CACNA1D: variants seen among roughly 807,000 people sequenced by gnomAD.
CACNA1D encodes calcium voltage-gated channel subunit alpha1 D, also known as voltage-dependent L-type calcium channel subunit alpha-1D.
CACNA1D carries 55 observed loss-of-function variants against 257.1 expected under a neutral mutation model. The ratio of observed to expected loss-of-function variants is 0.21; its 90% CI spans 0.17 to 0.27. The LOEUF is 0.27. Ranked by LOEUF, CACNA1D falls within the 10% of genes least tolerant of loss-of-function variation. The pLI is 1.00. For missense variants in CACNA1D, 1,876 were observed against 2,784.0 expected (o/e 0.67, Z 7.34); for synonymous variants, 980 against 1,014.9 (o/e 0.97, Z 0.65).
At chr3:53,554,596 T>C (rs1385602687) in intron 3 of CACNA1D, among the ~76,000 whole-genome samples, 1 of 152,232 alleles carries the variant, frequency 6.6e-6, no homozygotes, top group Non-Finnish European at 1.5e-5. Flanking sequence ...CTTTTTCAAA[T>C]ACATTCCGCT....
chr3:53,773,673 CT>C (rs34213200), intron 33 of CACNA1D: 82,303 of 148,600 alleles, frequency 0.55, 23,221 homozygotes, highest in Non-Finnish European at 0.61. Flanking sequence ...TTTCTTTTTT[CT>C]TTTTTTTTTT....
chr3:53,560,523 T>A (rs2092719244), intron 3 of CACNA1D, among the ~76,000 whole-genome samples: 2 of 152,182 alleles, frequency 1.3e-5, no homozygotes, highest in Admixed American at 6.5e-5. Flanking sequence ...TAAGCTTAAA[T>A]TTTCCTTACT....
intron 3 of CACNA1D, among the ~76,000 whole-genome samples, chr3:53,566,456 C>G (rs909646800): frequency 3.3e-5 from 5 of 152,186 alleles, no homozygotes; most frequent in South Asian, 4.1e-4. Context: ...TGACCACCCT[C>G]TCCCATAATA....
chr3:53,680,114 T>G (rs1254238062), intron 8 of CACNA1D, among the ~76,000 whole-genome samples: 1 of 152,160 alleles, frequency 6.6e-6, no homozygotes, highest in Non-Finnish European at 1.5e-5. Context: ...ACACCTGACA[T>G]TAACAAGTGA....
intron 30 of CACNA1D, among the ~76,000 whole-genome samples, chr3:53,765,272 C>G (rs2095326017): frequency 6.6e-6 from 1 of 152,204 alleles, no homozygotes; most frequent in African/African-American, 2.4e-5. Context: ...GGCCTTGTCC[C>G]CTGAGCTGAG....
intron 4 of CACNA1D, among the ~76,000 whole-genome samples, chr3:53,652,564 A>G (rs1407815553): frequency 6.6e-6 from 1 of 152,222 alleles, no homozygotes; most frequent in East Asian, 1.9e-4. Context: ...AATGAATAAT[A>G]ACCAGGGCTC....
At chr3:53,797,977 T>G (rs1195659242) in intron 40 of CACNA1D, 1 of 152,232 alleles carries the variant, frequency 6.6e-6, no homozygotes. Flanking sequence ...CTTGTCTTTT[T>G]GTTTGGGAGC....
intron 47 of CACNA1D, chr3:53,810,580 A>C (rs2095592310): frequency 2.2e-6 from 1 of 462,814 alleles, no homozygotes; most frequent in South Asian, 2.0e-5. Context: ...CAACATGGTG[A>C]AACCCCGTCT....
chr3:53,501,055 G>A (rs2090579297), intron 2 of CACNA1D, among the ~76,000 whole-genome samples: 1 of 152,226 alleles, frequency 6.6e-6, no homozygotes, highest in African/African-American at 2.4e-5. Context: ...TCACATCTGA[G>A]GTATTGGAAT....
At chr3:53,638,610 G>T (rs2093913386) in intron 3 of CACNA1D, among the ~76,000 whole-genome samples, 1 of 152,198 alleles carries the variant, frequency 6.6e-6, no homozygotes, top group Non-Finnish European at 1.5e-5. Context: ...CAACAAACCT[G>T]GGTAGCTTCT....
rs777592981 is a variant in CACNA1D, at chr3:53,786,791, C to T, written c.4793-31C>T. 118 of 1,365,524 alleles carry T rather than the reference C, an allele frequency of 8.6e-5. No individual in the cohort carries two copies. In the South Asian group the frequency reaches 1.2e-3, roughly 14 times the overall value. 84.6% of individuals were successfully genotyped at this position (1,365,524 alleles called of 1,614,324 possible). On this transcript the variant is annotated intron_variant, in intron 39 of 47. Transcript: ENST00000350061. ...AGGCTCTTGGTCTAATGTGCTGATT[C>T]GGGAGAGCTCTGTCTGGTCTCTCCG...
chr3:53,674,004 A>T, intron 8 of CACNA1D: 1 of 668,778 alleles, frequency 1.5e-6, no homozygotes, highest in South Asian at 1.7e-5. Context: ...CGTGTTTCCA[A>T]TGCTTGCCAA....
intron 3 of CACNA1D, among the ~76,000 whole-genome samples, chr3:53,544,288 C>A (rs1195489713): frequency 6.6e-6 from 1 of 152,054 alleles, no homozygotes. Flanking sequence ...GCAAATTTTG[C>A]AGCACATATA....
chr3:53,747,860 C>G lies in CACNA1D; in HGVS notation c.3314+412C>G, dbSNP rs190393193. Among the ~76,000 whole-genome samples, 8 of 152,314 alleles carry G rather than the reference C, an allele frequency of 5.3e-5. No individual in the cohort carries two copies. The East Asian group carries it at 1.5e-3, about 29-fold the overall frequency. ...GCGGACAGTTGCTGTTATGCCATCT[C>G]TTTTACTGAGCACCTGCTCGCTCAT... On this transcript the variant is annotated intron_variant, in intron 26 of 47. Coordinates refer to ENST00000350061, the MANE Select transcript of CACNA1D (RefSeq NM_001128840.3).
chr3:53,678,608 C>T (rs1233160431), intron 8 of CACNA1D, among the ~76,000 whole-genome samples: 1 of 152,176 alleles, frequency 6.6e-6, no homozygotes, highest in Non-Finnish European at 1.5e-5. Flanking sequence ...TCGCCTCCTA[C>T]ATCCCATTCT....
At chr3:53,518,673 G>A (rs779811275) in intron 3 of CACNA1D, among the ~76,000 whole-genome samples, 1 of 152,106 alleles carries the variant, frequency 6.6e-6, no homozygotes, top group Non-Finnish European at 1.5e-5. Context: ...GGATCCTGTT[G>A]TCACTGACCT....
At chr3:53,727,845 A>G (rs1261052108) in intron 15 of CACNA1D, among the ~76,000 whole-genome samples, 1 of 152,100 alleles carries the variant, frequency 6.6e-6, no homozygotes, top group East Asian at 1.9e-4. Context: ...TTTCTTCTTT[A>G]TCTTGTCTGG....
intron 3 of CACNA1D, among the ~76,000 whole-genome samples, chr3:53,576,537 A>T (rs886339466): frequency 1.3e-5 from 2 of 152,216 alleles, no homozygotes; most frequent in Admixed American, 1.3e-4. Context: ...GCATTTTGCC[A>T]CTGAGAATGG....
rs1432075025 is a variant in CACNA1D, at chr3:53,789,529, G to C, written c.4923+2577G>C. Reference sequence around the variant, plus strand: ...TAGGAAAATTTGGTGGGACGGCAGTGGGAGAGATATACCACCAGTGTAACT... The same window carrying C: ...TAGGAAAATTTGGTGGGACGGCAGTCGGAGAGATATACCACCAGTGTAACT... On this transcript the variant is annotated intron_variant, in intron 40 of 47. Coordinates refer to ENST00000350061, the MANE Select transcript of CACNA1D (RefSeq NM_001128840.3). The surrounding 1 kb of genome is among the most constrained non-coding windows in gnomAD (Gnocchi z 4.2). 6.6e-6 allele frequency among the ~76,000 whole-genome samples: 1 copy of C among 152,230 alleles called. No individual in the cohort carries two copies. Among genetic ancestry groups the C allele is most frequent in the East Asian group, 1.9e-4 (1 of 5,198 alleles).
Sources: allele counts gnomAD v4.1 joint callset (sites outside exome capture counted in the v4.1 genomes callset), GRCh38; gene constraint gnomAD v4.1.1; non-coding constraint Gnocchi (gnomAD v3.1); transcripts MANE v1.5; gene names NCBI Gene and HGNC (gene_info 2026-07-23, HGNC 2026-07-21).